CDH6: variants seen among roughly 807,000 people sequenced by gnomAD.
CDH6 encodes cadherin 6.
In CDH6, 31 loss-of-function variants were observed where a neutral mutation model predicts 78.0. The observed-to-expected ratio is 0.40, with a 90% CI of 0.30 to 0.54. The LOEUF is 0.54. Ranked by LOEUF, CDH6 falls within the 20% of genes least tolerant of loss-of-function variation. The pLI, the probability that CDH6 is intolerant of heterozygous loss-of-function variation, is 0.56. For missense variants in CDH6, 724 were observed against 975.9 expected (o/e 0.74, Z 3.44); for synonymous variants, 376 against 368.8 (o/e 1.02, Z -0.23).
intron 11 of CDH6, chr5:31,318,738 T>C (rs1342697217): frequency 1.3e-5 from 3 of 226,750 alleles, no homozygotes; most frequent in African/African-American, 6.7e-5. Context: ...AGCTTGCCTA[T>C]ATAGTGAAAA....
chr5:31,243,883 G>A (rs190048201), intron 1 of CDH6, among the ~76,000 whole-genome samples: 11 of 152,254 alleles, frequency 7.2e-5, no homozygotes, highest in African/African-American at 2.2e-4. Flanking sequence ...CCAATCTCAC[G>A]TATAGGTTGG....
intron 2 of CDH6, among the ~76,000 whole-genome samples, chr5:31,282,408 C>CCT (rs145390514): frequency 7.4e-5 from 11 of 149,546 alleles, no homozygotes; most frequent in East Asian, 5.8e-4. Flanking sequence ...TTTCTCTCTT[C>CCT]CTCTCTCTCT....
At chr5:31,224,863 T>C (rs1741105646) in intron 1 of CDH6, among the ~76,000 whole-genome samples, 1 of 152,226 alleles carries the variant, frequency 6.6e-6, no homozygotes, top group East Asian at 1.9e-4. Flanking sequence ...CTTTTTAGCC[T>C]TTATAAATTA....
rs370742019 is a variant in CDH6, at chr5:31,271,451, T to G, written c.228+3750T>G. Among the ~76,000 whole-genome samples, 9 of 151,964 alleles carry G rather than the reference T, an allele frequency of 5.9e-5. No homozygotes were observed. The East Asian group carries it at 1.2e-3, about 20-fold the overall frequency. ...GCCTTCCACTGCGTTCTGTTGCCAGTGAGATGAATGCAGAGACACGGACAA... is the reference window on the plus strand; with the variant it reads ...GCCTTCCACTGCGTTCTGTTGCCAGGGAGATGAATGCAGAGACACGGACAA... On this transcript the variant is annotated intron_variant, in intron 2 of 11. Transcript: ENST00000265071.
At chr5:31,197,826 C>T (rs1159484488) in intron 1 of CDH6, among the ~76,000 whole-genome samples, 1 of 152,148 alleles carries the variant, frequency 6.6e-6, no homozygotes, top group African/African-American at 2.4e-5. Context: ...AAGCACTTTA[C>T]TGAAACTAAA....
At chr5:31,252,043 C>A (rs1294860975) in intron 1 of CDH6, among the ~76,000 whole-genome samples, 1 of 152,140 alleles carries the variant, frequency 6.6e-6, no homozygotes, top group Non-Finnish European at 1.5e-5. Flanking sequence ...AAATTGGAGC[C>A]TTTAATGCTG....
intron 10 of CDH6, 50 bp downstream of exon 10, chr5:31,317,542 A>G: frequency 6.6e-7 from 1 of 1,517,690 alleles, no homozygotes; most frequent in Non-Finnish European, 9.1e-7. Context: ...TATATCCGTA[A>G]CTGTTTCTGT....
At chr5:31,285,592 T>C (rs968497171) in intron 2 of CDH6, among the ~76,000 whole-genome samples, 3 of 152,240 alleles carry the variant, frequency 2.0e-5, no homozygotes, top group Non-Finnish European at 4.4e-5. Flanking sequence ...TGTTTTTAAA[T>C]GGTTGTGGTT....
chr5:31,225,368 C>T (rs941274961), intron 1 of CDH6, among the ~76,000 whole-genome samples: 3 of 152,182 alleles, frequency 2.0e-5, no homozygotes, highest in African/African-American at 7.2e-5. Flanking sequence ...TTACTATAGA[C>T]ACAACATGAG....
chr5:31,280,682 T>A (rs752880100), intron 2 of CDH6, among the ~76,000 whole-genome samples: 1 of 152,204 alleles, frequency 6.6e-6, no homozygotes, highest in East Asian at 1.9e-4. Context: ...GAGGAAACTT[T>A]CCCCAGCGGG....
intron 6 of CDH6, among the ~76,000 whole-genome samples, chr5:31,303,390 A>G (rs565184416): frequency 6.6e-6 from 1 of 152,356 alleles, no homozygotes; most frequent in Admixed American, 6.5e-5. Context: ...GAGGATGTAT[A>G]AAGACCACAA....
chr5:31,317,831 A>G lies in CDH6; in HGVS notation c.1789A>G (p.Met597Val). 1 of 1,614,110 alleles carries G rather than the reference A, an allele frequency of 6.2e-7. No homozygotes were observed. The highest frequency in any genetic ancestry group is 8.5e-7 in the Non-Finnish European group (1 of 1,180,002). ...CTGTGCATGTGACCACCACGGGAAC[A>G]TGCAATCCTGCCATGCGGAGGCGCT... ...RVCACDHHGN[M>V]QSCHAEALIH... The change falls in exon 11 of 12, where the codon ATG (methionine) becomes GTG (valine). Residue 597 changes from methionine to valine, a missense_variant. Met to Val is a conservative substitution (Grantham distance 21). This residue lies in a region of CDH6 where 446 missense variants were observed against 684.5 expected (regional missense o/e 0.65). Transcript: ENST00000265071.
At chr5:31,315,356 G>C (rs1323703273) in intron 8 of CDH6, among the ~76,000 whole-genome samples, 1 of 152,158 alleles carries the variant, frequency 6.6e-6, no homozygotes, top group Non-Finnish European at 1.5e-5. Context: ...TTAGGTATTA[G>C]ATGCTCACTA....
chr5:31,297,683 C>A (rs1436078832), intron 4 of CDH6, among the ~76,000 whole-genome samples: 2 of 152,192 alleles, frequency 1.3e-5, no homozygotes, highest in South Asian at 2.1e-4. Context: ...AAAAGGTAAA[C>A]CCCTTTTTGA....
intron 2 of CDH6, among the ~76,000 whole-genome samples, chr5:31,289,476 G>T (rs1743098983): frequency 6.6e-6 from 1 of 152,100 alleles, no homozygotes; most frequent in Admixed American, 6.5e-5. Context: ...TTTTCCTTTG[G>T]ATAGATTACA....
intron 1 of CDH6, among the ~76,000 whole-genome samples, chr5:31,234,557 C>T (rs1425117875): frequency 6.6e-6 from 1 of 152,190 alleles, no homozygotes; most frequent in Non-Finnish European, 1.5e-5. Flanking sequence ...GGAATCCCAT[C>T]TCCACCTCCA....
intron 1 of CDH6, among the ~76,000 whole-genome samples, chr5:31,245,780 T>G (rs950651244): frequency 6.6e-6 from 1 of 152,074 alleles, no homozygotes; most frequent in Non-Finnish European, 1.5e-5. Flanking sequence ...CTAAAAGTTA[T>G]CCACAAATTT....
At chr5:31,301,864 G>C (rs1292896201) in intron 5 of CDH6, among the ~76,000 whole-genome samples, 1 of 152,068 alleles carries the variant, frequency 6.6e-6, no homozygotes, top group Non-Finnish European at 1.5e-5. Flanking sequence ...ATAAACTTTG[G>C]AGCCTGTTTA....
At chr5:31,219,258 C>T (rs925240921) in intron 1 of CDH6, among the ~76,000 whole-genome samples, 3 of 152,054 alleles carry the variant, frequency 2.0e-5, no homozygotes, top group African/African-American at 4.8e-5. Context: ...TTTGACTCAC[C>T]AAGCCTCCAT....
Sources: allele counts gnomAD v4.1 joint callset (sites outside exome capture counted in the v4.1 genomes callset), GRCh38; gene constraint gnomAD v4.1.1; regional missense constraint gnomAD v4.1.1; transcripts MANE v1.5; gene names NCBI Gene and HGNC (gene_info 2026-07-23, HGNC 2026-07-21).